The following MAP3K21 variants were observed in gnomAD, a reference collection of about 807,000 sequenced individuals.
The protein encoded by MAP3K21 is mitogen-activated protein kinase kinase kinase 21.
MAP3K21 carries 63 observed loss-of-function variants against 86.1 expected under a neutral mutation model. The observed-to-expected ratio is 0.73, with a 90% CI of 0.60 to 0.90. The LOEUF is 0.90. MAP3K21 is among the 40% of genes least tolerant of loss of function. MAP3K21 has a pLI of 0.00. For synonymous variants in MAP3K21, 558 were observed against 564.8 expected (o/e 0.99, Z 0.17); for missense variants, 1,220 against 1,367.7 (o/e 0.89, Z 1.70).
chr1:233,375,004 C>T (rs561902157), intron 6 of MAP3K21, among the ~76,000 whole-genome samples: 9 of 151,656 alleles, frequency 5.9e-5, no homozygotes, highest in South Asian at 2.1e-4. Flanking sequence ...TGTAGTGGCG[C>T]GATCTCGGAT....
intron 4 of MAP3K21, among the ~76,000 whole-genome samples, chr1:233,356,615 A>G (rs1663363342): frequency 6.6e-6 from 1 of 152,226 alleles, no homozygotes; most frequent in Non-Finnish European, 1.5e-5. Context: ...AAACTCACAC[A>G]TGTGCCCAAG....
At chr1:233,330,645 A>G (rs1045568226) in intron 1 of MAP3K21, among the ~76,000 whole-genome samples, 18 of 152,242 alleles carry the variant, frequency 1.2e-4, no homozygotes, top group African/African-American at 4.1e-4. Context: ...CAACTCTGTG[A>G]CAACACAGAA....
At chr1:233,375,848 T>G in intron 6 of MAP3K21, 68 bp from the exon 7 acceptor site, 1 of 1,325,546 alleles carries the variant, frequency 7.5e-7, no homozygotes, top group Non-Finnish European at 1.1e-6. Flanking sequence ...TCATTTAGCT[T>G]TTTTAACAAA....
At chr1:233,330,413 A>T (rs1417483570) in intron 1 of MAP3K21, among the ~76,000 whole-genome samples, 1 of 152,172 alleles carries the variant, frequency 6.6e-6, no homozygotes, top group African/African-American at 2.4e-5. Flanking sequence ...CAATTTCCTA[A>T]AATATACTTT....
At chr1:233,360,322 T>C (rs570730850) in intron 4 of MAP3K21, among the ~76,000 whole-genome samples, 34 of 152,116 alleles carry the variant, frequency 2.2e-4, no homozygotes, top group East Asian at 2.1e-3. Context: ...CATTTTCCCC[T>C]TTTTTTCAAG....
chr1:233,368,675 C>T (rs1190130323), intron 5 of MAP3K21, among the ~76,000 whole-genome samples: 1 of 151,714 alleles, frequency 6.6e-6, no homozygotes, highest in African/African-American at 2.4e-5. Flanking sequence ...AAAAGTATGA[C>T]TCAGCAGATG....
At position 233,372,086 on chromosome 1, in the gene MAP3K21, G is replaced by T; in HGVS notation, c.1601G>T (p.Arg534Leu). ...CAGGCCTCTCCCAACTTGGACAAAC[G>T]GCGGAGCCTGAACAGCAGCAGTTCC... ...TVQASPNLDKRRSLNSSSSSP... is the reference protein window; with the variant it reads ...TVQASPNLDKLRSLNSSSSSP... Residue 534 changes from arginine to leucine, a missense_variant, in exon 6 of 10, where the codon CGG (arginine) becomes CTG (leucine). Transcript: ENST00000366624. The T allele has an allele frequency of 6.2e-7, 1 of 1,614,098 alleles. No individual in the cohort carries two copies. The highest frequency in any genetic ancestry group is 1.1e-5 in the South Asian group (1 of 91,062).
chr1:233,369,894 G>C (rs747931012), intron 5 of MAP3K21, among the ~76,000 whole-genome samples: 3 of 152,190 alleles, frequency 2.0e-5, no homozygotes, highest in Non-Finnish European at 4.4e-5. Flanking sequence ...GGCAAGATGA[G>C]GCTGGAGCAG....
At chr1:233,352,592 G>A (rs181211351) in intron 2 of MAP3K21, among the ~76,000 whole-genome samples, 5 of 152,016 alleles carry the variant, frequency 3.3e-5, no homozygotes, top group East Asian at 3.9e-4. Context: ...CACCATGCCC[G>A]GGTCATTTTT....
chr1:233,357,896 A>T (rs999054128), intron 4 of MAP3K21, among the ~76,000 whole-genome samples: 1 of 152,182 alleles, frequency 6.6e-6, no homozygotes, highest in Non-Finnish European at 1.5e-5. Context: ...GCTGGCTGAC[A>T]GAGAAATAGA....
At position 233,336,421 on chromosome 1, in the gene MAP3K21, A is replaced by G. The variant is rs370348138; in HGVS notation, c.805+7588A>G. On this transcript the variant is annotated intron_variant, in intron 1 of 9. Coordinates refer to ENST00000366624, the MANE Select transcript of MAP3K21 (RefSeq NM_032435.3). Reference sequence around the variant, plus strand: ...CCGGACGTGGTGGTGGGTGCCTGTAATCTCAGCTACTTGGGAGGCTGAGGC... The same window carrying G: ...CCGGACGTGGTGGTGGGTGCCTGTAGTCTCAGCTACTTGGGAGGCTGAGGC... 7.2e-5 allele frequency among the ~76,000 whole-genome samples: 11 copies of G among 152,154 alleles called. No individual in the cohort carries two copies. In the East Asian group the frequency reaches 7.7e-4, roughly 11 times the overall value.
At chr1:233,334,164 CT>C (rs60541029) in intron 1 of MAP3K21, among the ~76,000 whole-genome samples, 63 of 136,880 alleles carry the variant, frequency 4.6e-4, no homozygotes, top group South Asian at 9.3e-4. Context: ...CGTGCCTGGA[CT>C]TTTTTTTTTT....
rs1663880813 is a variant in MAP3K21, at chr1:233,379,822, TTTTTACTGTTCATGTAGATCTTTGAACC to T, written c.2704+115_2704+142del. The T allele has an allele frequency of 4.7e-4, 379 of 815,008 alleles. 3 individuals are homozygous for T. The South Asian group carries it at 6.5e-3, about 14-fold the overall frequency. The allele number at this position is 815,008 out of a possible 1,614,324, so 50.5% of individuals were successfully genotyped here. On this transcript the variant is annotated intron_variant, in intron 9 of 9. Coordinates refer to ENST00000366624, the MANE Select transcript of MAP3K21 (RefSeq NM_032435.3). Reference sequence around the variant, plus strand: ...CCTGGTGATGACATTTAATAATTTGTTTTTACTGTTCATGTAGATCTTTGAACCTTACCCTTCTCTTATTTGATTTTAA... The same window carrying T: ...CCTGGTGATGACATTTAATAATTTGTTTACCCTTCTCTTATTTGATTTTAA...
At chr1:233,362,445 G>A in intron 5 of MAP3K21, 152 bp downstream of exon 5, 1 of 838,308 alleles carries the variant, frequency 1.2e-6, no homozygotes, top group Admixed American at 2.7e-5. Context: ...TAGATTCATG[G>A]TTCTAATGTA....
At chr1:233,380,449 C>G (rs1402485865) in intron 9 of MAP3K21, among the ~76,000 whole-genome samples, 3 of 152,180 alleles carry the variant, frequency 2.0e-5, no homozygotes, top group Non-Finnish European at 4.4e-5. Context: ...TGTACAGACC[C>G]TATTCCACAT....
chr1:233,382,233 T>C, intron 9 of MAP3K21, 72 bp from the exon 10 acceptor site: 1 of 1,303,926 alleles, frequency 7.7e-7, no homozygotes, highest in Non-Finnish European at 1.1e-6. Flanking sequence ...ATCATAATTA[T>C]TTTTCTTGAT....
rs1294235 is a variant in MAP3K21, at chr1:233,383,007, T to G, written c.*296T>G. 4.5e-6 allele frequency: 1 copy of G among 222,758 alleles called. No individual in the cohort carries two copies. Among genetic ancestry groups the G allele is most frequent in the South Asian group, 1.1e-4 (1 of 9,152 alleles). The allele number at this position is 222,758 out of a possible 1,614,324, so 13.8% of individuals were successfully genotyped here. A position where few individuals can be genotyped will look rare whatever the true frequency, so the allele number is the denominator to read the frequency against. ...ACCTTCAGCACAATGTTAATGTTTT[T>G]GTTCTCATTTATGCCTTTGTCCATT... On this transcript the variant is annotated 3_prime_UTR_variant, in exon 10 of 10. Coordinates refer to ENST00000366624, the MANE Select transcript of MAP3K21 (RefSeq NM_032435.3).
Position 233,327,746 on chromosome 1 carries a change from C to T in MAP3K21, c.-283C>T. On this transcript the variant is annotated 5_prime_UTR_variant, in exon 1 of 10. Transcript: ENST00000366624. ...GGCGTCCCAGGCTCTGGCTAAGGAG[C>T]GCGCGGCGGGCGGGCCGGCCGCAGG... 3.9e-6 allele frequency: 1 copy of T among 255,356 alleles called. No individual in the cohort carries two copies. The highest frequency in any genetic ancestry group is 5.5e-5 in the Admixed American group (1 of 18,038). 15.8% of individuals were successfully genotyped at this position (255,356 alleles called of 1,614,324 possible). A position where few individuals can be genotyped will look rare whatever the true frequency, so the allele number is the denominator to read the frequency against.
In MAP3K21 at chr1:233,353,969, G is replaced by GC; in HGVS notation, c.1135+14_1135+15insC. Reference sequence around the variant, plus strand: ...AGCTCATGAAAGGTATTGTGTGTGTGTGTGTGTGTCTTTGTGGGGGCAAGA... The same window carrying GC: ...AGCTCATGAAAGGTATTGTGTGTGTGCTGTGTGTGTCTTTGTGGGGGCAAGA... On this transcript the variant is annotated intron_variant, in intron 3 of 9. Transcript: ENST00000366624. 6.6e-7 allele frequency: 1 copy of GC among 1,512,728 alleles called. No homozygotes were observed. The highest frequency in any genetic ancestry group is 8.9e-7 in the Non-Finnish European group (1 of 1,128,086). The allele number at this position is 1,512,728 out of a possible 1,614,324, so 93.7% of individuals were successfully genotyped here.
Sources: gnomAD v4.1 joint callset for allele counts (sites outside exome capture counted in the v4.1 genomes callset) on GRCh38, gnomAD v4.1.1 for gene constraint, MANE v1.5 for transcripts, NCBI Gene and HGNC (gene_info 2026-07-23, HGNC 2026-07-21) for gene names.